Variants in CASZ1 observed in about 807,000 individuals in gnomAD.
CASZ1 encodes the protein castor zinc finger 1.
CASZ1 carries 28 observed loss-of-function variants against 135.2 expected under a neutral mutation model. The observed-to-expected ratio is 0.21, with a 90% CI of 0.15 to 0.28. CASZ1 has a LOEUF of 0.28. CASZ1 is among the 10% of genes least tolerant of loss of function. The probability of loss-of-function intolerance (pLI) is 1.00; values close to 1 mark genes in which losing one functional copy is unlikely to be tolerated. For synonymous variants in CASZ1, 1,068 were observed against 1,073.4 expected, an observed-to-expected ratio of 0.99 and a Z score of 0.10; for missense variants, 2,161 against 2,453.3, an observed-to-expected ratio of 0.88 and a Z score of 2.52.
intron 4 of CASZ1, among the ~76,000 whole-genome samples, chr1:10,673,482 C>T (rs1570455411): frequency 2.0e-5 from 3 of 152,158 alleles, no homozygotes; most frequent in Middle Eastern, 6.8e-3. Context: ...CACTCTCTCG[C>T]ACTCTTGTGC....
At chr1:10,688,258 C>G (rs969990356) in intron 4 of CASZ1, among the ~76,000 whole-genome samples, 2 of 152,192 alleles carry the variant, frequency 1.3e-5, no homozygotes, top group African/African-American at 2.4e-5. Flanking sequence ...ACAGCAGGCT[C>G]GCAGCCAGCA....
intron 2 of CASZ1, among the ~76,000 whole-genome samples, chr1:10,708,457 G>A (rs779261435): frequency 3.3e-5 from 5 of 152,218 alleles, no homozygotes; most frequent in Non-Finnish European, 7.3e-5. Context: ...ATGTGAGGAG[G>A]AGGAAAAGAA....
chr1:10,697,449 A>G lies in CASZ1; in HGVS notation c.-23-3537T>C, dbSNP rs991100248. Among the ~76,000 whole-genome samples, 1 of 152,100 alleles carries G rather than the reference A, an allele frequency of 6.6e-6. No homozygotes were observed. Among genetic ancestry groups the G allele is most frequent in the Non-Finnish European group, 1.5e-5 (1 of 68,006 alleles). The stretch of plus-strand genomic sequence containing the variant: ...TTGAGTCCCTGGGCCCAGAGCCTCT[A>G]GCTCCTCCTGAGACAACCCACTCAC... On this transcript the variant is annotated intron_variant, in intron 3 of 20. Transcript: ENST00000377022. This position sits in a 1 kb window ranked among gnomAD's most constrained non-coding sequence, Gnocchi z 4.7.
At chr1:10,650,267 C>T (rs1017934184) in intron 13 of CASZ1, 1 of 152,386 alleles carries the variant, frequency 6.6e-6, no homozygotes, top group Non-Finnish European at 1.5e-5. Context: ...AGCGACCTCT[C>T]CGGAAGGCGT....
At chr1:10,740,120 T>A (rs1293933697) in intron 2 of CASZ1, among the ~76,000 whole-genome samples, 3 of 152,208 alleles carry the variant, frequency 2.0e-5, no homozygotes, top group African/African-American at 7.2e-5. Context: ...CACTCCTCTC[T>A]GCAACCCCAT....
chr1:10,655,290 C>T (rs146411684), intron 9 of CASZ1, among the ~76,000 whole-genome samples: 186 of 152,312 alleles, frequency 1.2e-3, no homozygotes, highest in East Asian at 0.011. Context: ...CCAGACTCTG[C>T]GTGGCATTAA....
Position 10,647,123 on chromosome 1 carries a change from G to C in CASZ1, c.3497+678C>G, listed in dbSNP as rs574593243. 105 of 517,170 alleles carry C rather than the reference G, an allele frequency of 2.0e-4. No individual in the cohort carries two copies. Among genetic ancestry groups the C allele is most frequent in the Non-Finnish European group, 2.3e-4 (92 of 401,768 alleles). 32.0% of individuals were successfully genotyped at this position (517,170 alleles called of 1,614,324 possible). ...GAGGAGGGGGAGGGGAGGCTGGTGG[G>C]GGGGACGGAGAACAGTGCTGGGCCC... On this transcript the variant is annotated intron_variant, in intron 16 of 20. Coordinates refer to ENST00000377022, the MANE Select transcript of CASZ1 (RefSeq NM_001079843.3). This position sits in a 1 kb window ranked among gnomAD's most constrained non-coding sequence, Gnocchi z 4.9.
At chr1:10,750,567 C>T (rs1188479254) in intron 2 of CASZ1, among the ~76,000 whole-genome samples, 1 of 152,106 alleles carries the variant, frequency 6.6e-6, no homozygotes, top group Non-Finnish European at 1.5e-5. Context: ...TGTGCCCAGC[C>T]CTGCTTCACT....
chr1:10,678,278 G>A (rs994359422), intron 4 of CASZ1, among the ~76,000 whole-genome samples: 1 of 152,208 alleles, frequency 6.6e-6, no homozygotes, highest in Non-Finnish European at 1.5e-5. Context: ...ACTAATTTAG[G>A]AGTATTTTTA....
rs771865909 is a variant in CASZ1, at chr1:10,645,059, G to A, written c.3726C>T (p.Tyr1242=). ...QHCEFRMRGH[Y]HCLRTGCYFV... ...AATAGCAGCCGGTGCGGAGGCAGTG[G>A]TAGTGCCCACGCATTCGGAACTCGC... Residue 1242 remains tyrosine (Y), a synonymous_variant, in exon 18 of 21, where the codon TAC becomes TAT. Transcript: ENST00000377022. 5.0e-6 allele frequency: 8 copies of A among 1,613,890 alleles called. No individual in the cohort carries two copies. In the African/African-American group the frequency reaches 1.1e-4, roughly 22 times the overall value.
At position 10,794,940 on chromosome 1, in the gene CASZ1, G is replaced by A. The variant is rs1481761610; in HGVS notation, c.-234+1624C>T. Among the ~76,000 whole-genome samples, 1 of 150,260 alleles carries A rather than the reference G, an allele frequency of 6.7e-6. No homozygotes were observed. The highest frequency in any genetic ancestry group is 2.4e-5 in the African/African-American group (1 of 40,978). On this transcript the variant is annotated intron_variant, in intron 1 of 20. Transcript: ENST00000377022. The surrounding 1 kb of genome is among the most constrained non-coding windows in gnomAD (Gnocchi z 5.6). ...CAGCGGCCCCAGCGCGCCTCTGCCC[G>A]CACCTCGCCACCCCGGCGGCCGCCC...
At chr1:10,698,321 T>G (rs981774965) in intron 3 of CASZ1, among the ~76,000 whole-genome samples, 1 of 152,236 alleles carries the variant, frequency 6.6e-6, no homozygotes, top group Non-Finnish European at 1.5e-5. Context: ...GAAATCCGAT[T>G]ATCCCTAATT....
At chr1:10,667,868 C>T (rs1643282904) in intron 4 of CASZ1, among the ~76,000 whole-genome samples, 1 of 151,760 alleles carries the variant, frequency 6.6e-6, no homozygotes, top group East Asian at 1.9e-4. Context: ...ACCTTCTCCC[C>T]ATCTCGGCTG....
At chr1:10,787,437 C>G (rs1002530087) in intron 1 of CASZ1, among the ~76,000 whole-genome samples, 3 of 152,230 alleles carry the variant, frequency 2.0e-5, no homozygotes, top group Non-Finnish European at 4.4e-5. Flanking sequence ...CCGAAATTCC[C>G]GAAGGAGCTG....
At chr1:10,750,903 A>AT (rs1553139672) in intron 2 of CASZ1, among the ~76,000 whole-genome samples, 1 of 150,488 alleles carries the variant, frequency 6.6e-6, no homozygotes, top group African/African-American at 2.4e-5. Context: ...TGTCTCAAAA[A>AT]ATATATATAT....
intron 2 of CASZ1, among the ~76,000 whole-genome samples, chr1:10,754,363 A>G (rs890062838): frequency 1.3e-5 from 2 of 152,102 alleles, no homozygotes; most frequent in African/African-American, 2.4e-5. Context: ...CTTCATTTCG[A>G]GCACCTACAA....
At chr1:10,729,143 C>A (rs374988517) in intron 2 of CASZ1, among the ~76,000 whole-genome samples, 4 of 152,094 alleles carry the variant, frequency 2.6e-5, no homozygotes, top group Non-Finnish European at 5.9e-5. Flanking sequence ...GGCCGGCCTG[C>A]GGCTCCTGCC....
chr1:10,724,944 T>C lies in CASZ1; in HGVS notation c.-76-19400A>G, dbSNP rs1639569782. On this transcript the variant is annotated intron_variant, in intron 2 of 20. Transcript: ENST00000377022. This position sits in a 1 kb window ranked among gnomAD's most constrained non-coding sequence, Gnocchi z 4.1. ...TTTTGATTTTCTCAACTTCAGCAGA[T>C]TGAAGTTGAAATAACCTACAAATTA... Among the ~76,000 whole-genome samples, 4 of 152,224 alleles carry C rather than the reference T, an allele frequency of 2.6e-5. No individual in the cohort carries two copies. The highest frequency in any genetic ancestry group is 9.6e-5 in the African/African-American group (4 of 41,456).
At position 10,794,331 on chromosome 1, in the gene CASZ1, C is replaced by T. The variant is rs1372710660; in HGVS notation, c.-234+2233G>A. Among the ~76,000 whole-genome samples the T allele has an allele frequency of 6.6e-6, 1 of 152,118 alleles. No individual in the cohort carries two copies. The highest frequency in any genetic ancestry group is 1.5e-5 in the Non-Finnish European group (1 of 68,004). ...GACGTCCTAAATTTACTAACTTTGC[C>T]CCGCGACTACCAGGGCCTTTTCCCC... On this transcript the variant is annotated intron_variant, in intron 1 of 20. Transcript: ENST00000377022. This position sits in a 1 kb window ranked among gnomAD's most constrained non-coding sequence, Gnocchi z 5.6.
Sources: allele counts gnomAD v4.1 joint callset (sites outside exome capture counted in the v4.1 genomes callset), GRCh38; gene constraint gnomAD v4.1.1; non-coding constraint Gnocchi (gnomAD v3.1); transcripts MANE v1.5; gene names NCBI Gene and HGNC (gene_info 2026-07-23, HGNC 2026-07-21).